Variants in C10orf90 observed in about 807,000 individuals in gnomAD.
C10orf90 encodes chromosome 10 open reading frame 90, also known as (E2-independent) E3 ubiquitin-conjugating enzyme FATS.
A neutral mutation model predicts 62.5 loss-of-function variants in C10orf90; 56 were observed. The ratio of observed to expected loss-of-function variants is 0.90; its 90% CI spans 0.72 to 1.12. The LOEUF (loss-of-function observed/expected upper bound fraction) is 1.12. C10orf90 is among the 50% of genes most tolerant of loss of function. The probability of loss-of-function intolerance (pLI) is 0.00; values close to 1 mark genes in which losing one functional copy is unlikely to be tolerated. For missense variants in C10orf90, 970 were observed against 880.4 expected (o/e 1.10, Z -1.29); for synonymous variants, 386 against 340.4 (o/e 1.13, Z -1.47).
intron 4 of C10orf90, among the ~76,000 whole-genome samples, chr10:126,475,197 T>C (rs2133781630): frequency 6.6e-6 from 1 of 152,250 alleles, no homozygotes; most frequent in East Asian, 1.9e-4. Context: ...AGAACTATTT[T>C]GAAAGCCAAA....
At chr10:126,587,861 T>A (rs1844904570) in intron 2 of C10orf90, among the ~76,000 whole-genome samples, 1 of 152,238 alleles carries the variant, frequency 6.6e-6, no homozygotes, top group Non-Finnish European at 1.5e-5. Flanking sequence ...GAACCCAGTA[T>A]AACTAGGCCC....
chr10:126,594,944 G>C lies in C10orf90; in HGVS notation c.313+51621C>G, dbSNP rs1191469835. On this transcript the variant is annotated intron_variant, in intron 2 of 9. Coordinates refer to ENST00000488181, the MANE Select transcript of C10orf90 (RefSeq NM_001350921.2). The stretch of plus-strand genomic sequence containing the variant: ...CAGTGAAATGGGAAGGCCCTGGAGA[G>C]TCTTAAGGTGGAAGAGGAGAGACAT... 3.3e-5 allele frequency among the ~76,000 whole-genome samples: 5 copies of C among 152,276 alleles called. No homozygotes were observed. The East Asian group carries it at 5.8e-4, about 18-fold the overall frequency.
In C10orf90 at chr10:126,456,355, A is replaced by AT. The variant is rs1268185102; in HGVS notation, c.2188+2684_2188+2685insA. 6.6e-5 allele frequency among the ~76,000 whole-genome samples: 10 copies of AT among 152,248 alleles called. No individual in the cohort carries two copies. The highest frequency in any genetic ancestry group is 2.4e-4 in the African/African-American group (10 of 41,558). On this transcript the variant is annotated intron_variant, in intron 7 of 9. Transcript: ENST00000488181. This position sits in a 1 kb window ranked among gnomAD's most constrained non-coding sequence, Gnocchi z 4.9. ...GGCAGGGATGGTCAGGGTGGCCATA[A>AT]AACCCACGTTGGCCAAGTCCCACTT...
chr10:126,518,543 G>A (rs749932571), intron 2 of C10orf90, among the ~76,000 whole-genome samples: 13 of 151,724 alleles, frequency 8.6e-5, no homozygotes, highest in Non-Finnish European at 7.4e-5. Flanking sequence ...AAATAAAACC[G>A]TCATAGAAAA....
intron 2 of C10orf90, among the ~76,000 whole-genome samples, chr10:126,525,831 T>C (rs1591069338): frequency 6.6e-6 from 1 of 152,280 alleles, no homozygotes; most frequent in African/African-American, 2.4e-5. Flanking sequence ...GGTTTGGTTT[T>C]GAGTTCTTTG....
chr10:126,458,175 G>C (rs559864944), intron 7 of C10orf90, among the ~76,000 whole-genome samples: 9 of 152,216 alleles, frequency 5.9e-5, no homozygotes, highest in Admixed American at 1.3e-4. Flanking sequence ...ATAAGATCTT[G>C]GTAATGTTTG....
intron 1 of C10orf90, among the ~76,000 whole-genome samples, chr10:126,661,130 C>T (rs1305778369): frequency 6.6e-6 from 1 of 152,138 alleles, no homozygotes; most frequent in Non-Finnish European, 1.5e-5. Flanking sequence ...TATCATCCTC[C>T]AGGTCACAGG....
At chr10:126,439,605 C>T (rs969806692) in intron 7 of C10orf90, among the ~76,000 whole-genome samples, 6 of 151,852 alleles carry the variant, frequency 4.0e-5, no homozygotes, top group Admixed American at 2.0e-4. Flanking sequence ...AGAAGTTTAA[C>T]AGAGAGATTG....
intron 4 of C10orf90, among the ~76,000 whole-genome samples, chr10:126,467,231 A>T (rs1860340917): frequency 1.3e-5 from 2 of 152,232 alleles, no homozygotes; most frequent in South Asian, 4.1e-4. Flanking sequence ...AGTTAAAGCA[A>T]CTCAGAGAAA....
At chr10:126,579,211 G>C (rs1844692218) in intron 2 of C10orf90, among the ~76,000 whole-genome samples, 1 of 151,694 alleles carries the variant, frequency 6.6e-6, no homozygotes, top group Admixed American at 6.6e-5. Context: ...TTACATACAG[G>C]TGCTTCAGCA....
At chr10:126,461,978 A>G (rs1232278165) in intron 5 of C10orf90, among the ~76,000 whole-genome samples, 1 of 152,200 alleles carries the variant, frequency 6.6e-6, no homozygotes, top group East Asian at 1.9e-4. Flanking sequence ...CACTGATGAT[A>G]TAAGGACAGG....
intron 2 of C10orf90, among the ~76,000 whole-genome samples, chr10:126,557,264 G>A (rs1262198856): frequency 6.6e-6 from 1 of 151,936 alleles, no homozygotes; most frequent in African/African-American, 2.4e-5. Flanking sequence ...GGCAGATCAC[G>A]AGGTTGGGAG....
chr10:126,545,465 A>T (rs375191021), intron 2 of C10orf90, among the ~76,000 whole-genome samples: 155 of 10,074 alleles, frequency 0.015, no homozygotes, highest in African/African-American at 0.025. Flanking sequence ...TCACTGATTT[A>T]AAAAAAAAAC....
At chr10:126,588,537 A>G (rs1844918615) in intron 2 of C10orf90, among the ~76,000 whole-genome samples, 1 of 152,198 alleles carries the variant, frequency 6.6e-6, no homozygotes, top group African/African-American at 2.4e-5. Flanking sequence ...CAGGTGTGGG[A>G]GGGACAGAGG....
At chr10:126,606,094 G>C (rs1845305140) in intron 2 of C10orf90, among the ~76,000 whole-genome samples, 1 of 152,314 alleles carries the variant, frequency 6.6e-6, no homozygotes, top group Admixed American at 6.5e-5. Context: ...TCATGCTACA[G>C]CATGAGAAGG....
intron 1 of C10orf90, among the ~76,000 whole-genome samples, chr10:126,669,991 A>C (rs935042086): frequency 1.3e-5 from 2 of 152,200 alleles, no homozygotes; most frequent in African/African-American, 4.8e-5. Context: ...GCACCAATAA[A>C]GTTTGTAAAT....
chr10:126,626,409 C>G (rs567548797), intron 2 of C10orf90, among the ~76,000 whole-genome samples: 67 of 152,236 alleles, frequency 4.4e-4, no homozygotes, highest in African/African-American at 1.6e-3. Flanking sequence ...AAGACGTCGC[C>G]TGGCTGGTGA....
intron 1 of C10orf90, among the ~76,000 whole-genome samples, chr10:126,664,304 G>A (rs574975359): frequency 2.8e-4 from 43 of 152,102 alleles, no homozygotes; most frequent in South Asian, 8.3e-4. Context: ...TAAATCACTG[G>A]TTACAATTCG....
intron 2 of C10orf90, among the ~76,000 whole-genome samples, chr10:126,614,343 A>C (rs912479459): frequency 2.0e-5 from 3 of 152,238 alleles, no homozygotes; most frequent in African/African-American, 7.2e-5. Context: ...CATTAAGGGA[A>C]TAAAAACATT....
Sources: allele counts gnomAD v4.1 joint callset (sites outside exome capture counted in the v4.1 genomes callset), GRCh38; gene constraint gnomAD v4.1.1; non-coding constraint Gnocchi (gnomAD v3.1); transcripts MANE v1.5; gene names NCBI Gene and HGNC (gene_info 2026-07-23, HGNC 2026-07-21).